GRID2: variants seen among roughly 807,000 people sequenced by gnomAD.
The protein encoded by GRID2 is glutamate receptor ionotropic, delta-2.
Under a neutral mutation model 114.8 loss-of-function variants are expected in GRID2, and 33 were observed. The ratio of observed to expected loss-of-function variants is 0.29; its 90% CI spans 0.22 to 0.38. The LOEUF (loss-of-function observed/expected upper bound fraction) is 0.38. Among genes scored for constraint, GRID2 ranks in the 10% least tolerant of loss-of-function variants. GRID2 has a pLI of 1.00. For synonymous variants in GRID2, 505 were observed against 449.9 expected (o/e 1.12, Z -1.55); for missense variants, 1,184 against 1,257.7 (o/e 0.94, Z 0.89).
At chr4:93,447,017 A>C (rs1264419849) in intron 10 of GRID2, among the ~76,000 whole-genome samples, 1 of 151,892 alleles carries the variant, frequency 6.6e-6, no homozygotes, top group Non-Finnish European at 1.5e-5. Flanking sequence ...ACAAATTACC[A>C]GATTAAAACA....
At chr4:92,437,979 T>C (rs1026277015) in intron 1 of GRID2, among the ~76,000 whole-genome samples, 54 of 152,344 alleles carry the variant, frequency 3.5e-4, no homozygotes, top group African/African-American at 1.2e-3. Context: ...TACATGCATT[T>C]TTTAAAGTTC....
At position 93,085,010 on chromosome 4, in the gene GRID2, A is replaced by G. The variant is rs762973730; in HGVS notation, c.260A>G (p.Asn87Ser). The G allele has an allele frequency of 5.6e-6, 9 of 1,613,884 alleles. No homozygotes were observed. The highest frequency in any genetic ancestry group is 1.7e-5 in the Admixed American group (1 of 60,024). ...QAVQEACELM[N>S]QGILALVSSI... ...TTTCTTGCAGCCTGTGAACTTATGAATCAAGGCATCTTGGCCCTGGTCAGC... is the reference window on the plus strand; with the variant it reads ...TTTCTTGCAGCCTGTGAACTTATGAGTCAAGGCATCTTGGCCCTGGTCAGC... Residue 87 changes from asparagine (N) to serine (S), a missense_variant, in exon 3 of 16, where the codon AAT (asparagine) becomes AGT (serine). Physicochemically the swap from Asn to Ser is conservative, Grantham distance 46. Transcript: ENST00000282020.
intron 1 of GRID2, among the ~76,000 whole-genome samples, chr4:92,323,579 A>G (rs1726434291): frequency 6.6e-6 from 1 of 151,798 alleles, no homozygotes. Context: ...CTTTATGTAA[A>G]CCTTACTCCT....
chr4:92,350,505 A>G (rs1470613214), intron 1 of GRID2, among the ~76,000 whole-genome samples: 1 of 151,834 alleles, frequency 6.6e-6, no homozygotes, highest in Non-Finnish European at 1.5e-5. Flanking sequence ...CCAGGGTAAC[A>G]TAATATATGT....
intron 4 of GRID2, among the ~76,000 whole-genome samples, chr4:93,119,492 G>A (rs1733584928): frequency 6.6e-6 from 1 of 152,094 alleles, no homozygotes; most frequent in African/African-American, 2.4e-5. Flanking sequence ...TCTTTGAAAG[G>A]AGGAAGTTTT....
At chr4:93,367,590 G>A (rs1241049507) in intron 8 of GRID2, among the ~76,000 whole-genome samples, 1 of 152,164 alleles carries the variant, frequency 6.6e-6, no homozygotes, top group Non-Finnish European at 1.5e-5. Context: ...AATTGTGCCA[G>A]ACAAAGCTGG....
chr4:93,711,838 AC>A (rs1323614197), intron 14 of GRID2, among the ~76,000 whole-genome samples: 3 of 152,166 alleles, frequency 2.0e-5, no homozygotes, highest in Non-Finnish European at 4.4e-5. Flanking sequence ...TTTCCTCGAT[AC>A]AATGTTAAAA....
chr4:92,486,563 A>T (rs959617846), intron 1 of GRID2, among the ~76,000 whole-genome samples: 17 of 150,720 alleles, frequency 1.1e-4, no homozygotes, highest in African/African-American at 4.1e-4. Flanking sequence ...ACACACACAC[A>T]CACACACACA....
intron 2 of GRID2, among the ~76,000 whole-genome samples, chr4:92,974,690 T>TC: frequency 7.0e-6 from 1 of 143,570 alleles, no homozygotes; most frequent in East Asian, 2.3e-4. Flanking sequence ...GTCGCGGGGG[T>TC]AGGGGGGTAG....
intron 1 of GRID2, among the ~76,000 whole-genome samples, chr4:92,514,619 A>G (rs1481719152): frequency 6.6e-6 from 1 of 151,946 alleles, no homozygotes; most frequent in African/African-American, 2.4e-5. Flanking sequence ...AAGAATGATC[A>G]TATAAAATCT....
intron 1 of GRID2, among the ~76,000 whole-genome samples, chr4:92,505,102 C>T (rs1171663326): frequency 6.6e-6 from 1 of 152,124 alleles, no homozygotes; most frequent in Non-Finnish European, 1.5e-5. Flanking sequence ...AGAGCTTTTA[C>T]ACTACATAAA....
chr4:93,730,106 A>G (rs1730344628), intron 14 of GRID2, among the ~76,000 whole-genome samples: 1 of 152,244 alleles, frequency 6.6e-6, no homozygotes, highest in Non-Finnish European at 1.5e-5. Flanking sequence ...TATATTTAGT[A>G]GACCACTGGA....
intron 2 of GRID2, among the ~76,000 whole-genome samples, chr4:93,080,143 T>G (rs961397448): frequency 6.6e-6 from 1 of 152,162 alleles, no homozygotes; most frequent in Admixed American, 6.6e-5. Context: ...ATTCTAAATG[T>G]CTGGGTAAGC....
chr4:93,734,070 GCTGGTAAA>G (rs930880652), intron 14 of GRID2, among the ~76,000 whole-genome samples: 2 of 151,940 alleles, frequency 1.3e-5, no homozygotes, highest in African/African-American at 4.8e-5. Flanking sequence ...GCTTCTTTCT[GCTGGTAAA>G]CTGGGCAAGT....
chr4:93,172,806 G>A (rs1738976510), intron 4 of GRID2, among the ~76,000 whole-genome samples: 1 of 151,998 alleles, frequency 6.6e-6, no homozygotes, highest in African/African-American at 2.4e-5. Context: ...GACCAAATGA[G>A]TCTCAGAAGT....
At chr4:92,568,569 T>G (rs539212478) in intron 1 of GRID2, among the ~76,000 whole-genome samples, 2 of 152,170 alleles carry the variant, frequency 1.3e-5, no homozygotes, top group Non-Finnish European at 2.9e-5. Context: ...AAAAAATATG[T>G]ATTTTTTCAG....
chr4:92,526,530 G>A (rs1329486416), intron 1 of GRID2, among the ~76,000 whole-genome samples: 3 of 151,954 alleles, frequency 2.0e-5, no homozygotes, highest in Non-Finnish European at 4.4e-5. Flanking sequence ...TTTTAGTAGA[G>A]CCAGGGTTTC....
chr4:92,319,901 T>C (rs1020612055), intron 1 of GRID2, among the ~76,000 whole-genome samples: 8 of 152,198 alleles, frequency 5.3e-5, no homozygotes, highest in African/African-American at 1.7e-4. Context: ...TAAAAAGTCA[T>C]TATGTCTGTA....
chr4:93,634,690 T>C (rs1294641373), intron 14 of GRID2, among the ~76,000 whole-genome samples: 1 of 152,222 alleles, frequency 6.6e-6, no homozygotes, highest in South Asian at 2.1e-4. Flanking sequence ...TTGAGGAGTC[T>C]GAGGTGTTAG....
Sources: gnomAD v4.1 joint callset for allele counts (sites outside exome capture counted in the v4.1 genomes callset) on GRCh38, gnomAD v4.1.1 for gene constraint, MANE v1.5 for transcripts, NCBI Gene and HGNC (gene_info 2026-07-23, HGNC 2026-07-21) for gene names.